ZZEF1: variants seen among roughly 807,000 people sequenced by gnomAD.
The protein encoded by ZZEF1 is zinc finger ZZ-type and EF-hand domain-containing protein 1.
ZZEF1 carries 157 observed loss-of-function variants against 342.8 expected under a neutral mutation model. The ratio of observed to expected loss-of-function variants is 0.46; its 90% CI spans 0.40 to 0.52. The LOEUF (loss-of-function observed/expected upper bound fraction) is 0.52. ZZEF1 is among the 20% of genes least tolerant of loss of function. The pLI is 0.00. For synonymous variants in ZZEF1, 1,505 were observed against 1,429.1 expected, an observed-to-expected ratio of 1.05 and a Z score of -1.20; for missense variants, 3,480 against 3,725.6, an observed-to-expected ratio of 0.93 and a Z score of 1.72.
chr17:4,007,016 T>G, intron 54 of ZZEF1, 46 bp from the exon 55 acceptor site: 1 of 1,512,434 alleles, frequency 6.6e-7, no homozygotes, highest in Non-Finnish European at 8.9e-7. Context: ...AGCCACTCCC[T>G]CATTCAGTGA....
Position 4,072,816 on chromosome 17 carries a change from T to C in ZZEF1, c.3686-60A>G, listed in dbSNP as rs374461791. 7.4e-6 allele frequency: 11 copies of C among 1,482,566 alleles called. No homozygotes were observed. In the East Asian group the frequency reaches 2.3e-4, roughly 31 times the overall value. The allele number at this position is 1,482,566 out of a possible 1,614,324, so 91.8% of individuals were successfully genotyped here. A position where few individuals can be genotyped will look rare whatever the true frequency, so the allele number is the denominator to read the frequency against. On this transcript the variant is annotated intron_variant, in intron 24 of 54. Coordinates refer to ENST00000381638, the MANE Select transcript of ZZEF1 (RefSeq NM_015113.4). ...TTTGCCTTAATATATTGAGAATCTT[T>C]GAAATGAGAAAGAAAAGGTTAAAAA...
chr17:4,081,314 T>C (rs913286889), intron 18 of ZZEF1, 62 bp downstream of exon 18: 1 of 1,335,532 alleles, frequency 7.5e-7, no homozygotes, highest in Non-Finnish European at 1.1e-6. Flanking sequence ...CACAAGAGAC[T>C]GCCACATCAC....
chr17:4,024,990 G>A lies in ZZEF1; in HGVS notation c.7021C>T (p.His2341Tyr), dbSNP rs768541691. 6.2e-7 allele frequency: 1 copy of A among 1,614,166 alleles called. No homozygotes were observed. The highest frequency in any genetic ancestry group is 8.5e-7 in the Non-Finnish European group (1 of 1,180,038). Residue 2341 changes from histidine (H) to tyrosine (Y), a missense_variant, in exon 43 of 55, where the codon CAT becomes TAT. This residue lies in a region of ZZEF1 where 1,269 missense variants were observed against 1,342.4 expected (regional missense o/e 0.95). Coordinates refer to ENST00000381638, the MANE Select transcript of ZZEF1 (RefSeq NM_015113.4). ...GTTGCTTCTACTGCCTCGGGACAAT[G>A]GCTGTCCATGCTGCTTTGCAGAAGG... ...SHLLQSSMDSHCPEAVEATWV... is the reference protein window; with the variant it reads ...SHLLQSSMDSYCPEAVEATWV...
At chr17:4,109,562 A>G (rs2058263959) in intron 6 of ZZEF1, 91 bp downstream of exon 6, 2 of 1,407,076 alleles carry the variant, frequency 1.4e-6, no homozygotes, top group African/African-American at 1.4e-5. Flanking sequence ...ACAACGATCA[A>G]TGATGGAAGG....
chr17:4,094,926 T>C (rs778681435), intron 11 of ZZEF1, among the ~76,000 whole-genome samples: 1 of 152,176 alleles, frequency 6.6e-6, no homozygotes, highest in Admixed American at 6.5e-5. Flanking sequence ...ACACACAACA[T>C]GATCCTGACC....
chr17:4,123,685 G>A (rs781552270), intron 2 of ZZEF1, among the ~76,000 whole-genome samples: 4 of 152,038 alleles, frequency 2.6e-5, no homozygotes, highest in Admixed American at 1.3e-4. Flanking sequence ...TAAGGAAAGC[G>A]GCCACGTGAC....
chr17:4,032,031 C>T (rs1245798783), intron 42 of ZZEF1, 95 bp downstream of exon 42: 3 of 1,356,452 alleles, frequency 2.2e-6, no homozygotes, highest in African/African-American at 1.5e-5. Context: ...AAATCACACG[C>T]AGGCCAAGAG....
In ZZEF1 at chr17:4,095,963, A is replaced by T; in HGVS notation, c.1781T>A (p.Ile594Asn). The change falls in exon 11 of 55, where the codon ATT becomes AAT. Residue 594 changes from isoleucine (I) to asparagine (N), a missense_variant. Coordinates refer to ENST00000381638, the MANE Select transcript of ZZEF1 (RefSeq NM_015113.4). ...AAACACCAACCCACACTGGGCACCA[A>T]TGCCACCACGTCGAACCTGGAAACA... ...QIRIMVRRGG[I>N]GAQCGLVFAY... is the part of the protein sequence containing the mutation. 1.2e-6 allele frequency: 2 copies of T among 1,611,558 alleles called. No homozygotes were observed. The highest frequency in any genetic ancestry group is 1.7e-6 in the Non-Finnish European group (2 of 1,178,420).
rs1456252940 is a variant in ZZEF1 at position 4,104,796 on chromosome 17, T to C, written c.1410A>G (p.Pro470=). The change falls in exon 8 of 55, where the codon CCA becomes CCG. Residue 470 remains proline (P), a synonymous_variant. Transcript: ENST00000381638. ...LIRITSCCST[P]EVELTLLAFA... is the part of the protein sequence containing the mutation. ...AAGCCAGAAGAGTCAGTTCTACCTCTGGGGTAGAACAGCAGCTATAAGCAA... is the reference window on the plus strand; with the variant it reads ...AAGCCAGAAGAGTCAGTTCTACCTCCGGGGTAGAACAGCAGCTATAAGCAA... 2 of 1,613,870 alleles carry C rather than the reference T, an allele frequency of 1.2e-6. No homozygotes were observed. The highest frequency in any genetic ancestry group is 1.7e-6 in the Non-Finnish European group (2 of 1,179,912).
intron 16 of ZZEF1, among the ~76,000 whole-genome samples, chr17:4,083,055 C>T (rs1001471393): frequency 2.0e-5 from 3 of 152,194 alleles, no homozygotes; most frequent in African/African-American, 4.8e-5. Flanking sequence ...GGATTACAGG[C>T]GTGAGCCACC....
chr17:4,112,539 C>G, intron 5 of ZZEF1, 70 bp downstream of exon 5: 3 of 1,468,820 alleles, frequency 2.0e-6, no homozygotes, highest in Non-Finnish European at 2.8e-6. Flanking sequence ...AAACTAACAG[C>G]CTCTTCACTT....
intron 1 of ZZEF1, among the ~76,000 whole-genome samples, chr17:4,132,628 C>A (rs902461650): frequency 2.0e-5 from 3 of 151,438 alleles, no homozygotes; most frequent in Non-Finnish European, 4.4e-5. Flanking sequence ...GTCGGGAGAT[C>A]GAGACCATCC....
chr17:4,019,648 C>A, intron 46 of ZZEF1, 21 bp downstream of exon 46: 1 of 1,602,342 alleles, frequency 6.2e-7, no homozygotes. Context: ...CACACTTCAG[C>A]TGCACGGAAA....
chr17:4,091,893 A>G (rs1204015725), intron 11 of ZZEF1, among the ~76,000 whole-genome samples: 1 of 149,474 alleles, frequency 6.7e-6, no homozygotes, highest in Non-Finnish European at 1.5e-5. Flanking sequence ...CCTGACCAAC[A>G]TTAAGAAACT....
intron 24 of ZZEF1, 96 bp from the exon 25 acceptor site, chr17:4,072,852 T>C (rs2057537813): frequency 7.7e-7 from 1 of 1,290,742 alleles, no homozygotes; most frequent in African/African-American, 1.5e-5. Context: ...AAACCATGGA[T>C]ACTATTAAAA....
At position 4,025,126 on chromosome 17, in the gene ZZEF1, G is replaced by T. The variant is rs749235960; in HGVS notation, c.6893-8C>A. 3.1e-6 allele frequency: 5 copies of T among 1,613,636 alleles called. No homozygotes were observed. The South Asian group carries it at 5.5e-5, about 18-fold the overall frequency. On this transcript the variant is annotated splice_polypyrimidine_tract_variant and splice_region_variant and intron_variant, in intron 42 of 54. Transcript: ENST00000381638. ...CCAGCTGGTAGTCCTTCACTGAAGG[G>T]TGACATCAGGCAGAAAAAGAAAGGC...
In ZZEF1 at chr17:4,008,933, A is replaced by G; in HGVS notation, c.8755T>C (p.Tyr2919His). The change falls in exon 54 of 55, where the codon TAC (tyrosine) becomes CAC (histidine). Residue 2919 changes from tyrosine to histidine, a missense_variant. Transcript: ENST00000381638. The surrounding 1 kb of genome is among the most constrained non-coding windows in gnomAD (Gnocchi z 4.2). Reference protein sequence around the residue: ...RAQELGVLQDYLLALTTDDHL... With the variant: ...RAQELGVLQDHLLALTTDDHL... ...TCGTCCGTGGTTAGGGCCAGCAGGT[A>G]ATCCTGCAGCACGCCAAGCTCCTGC... is the stretch of plus-strand genomic sequence containing the variant. 1 of 1,543,096 alleles carries G rather than the reference A, an allele frequency of 6.5e-7. No individual in the cohort carries two copies. The highest frequency in any genetic ancestry group is 8.7e-7 in the Non-Finnish European group (1 of 1,147,520).
At chr17:4,071,409 A>G (rs1274937519) in intron 25 of ZZEF1, 1 of 154,888 alleles carries the variant, frequency 6.5e-6, no homozygotes, top group East Asian at 1.9e-4. Flanking sequence ...GAGACTGCAG[A>G]GAGCCTTGAC....
Position 4,124,018 on chromosome 17 carries a change from T to C in ZZEF1, c.388A>G (p.Thr130Ala), listed in dbSNP as rs1363533076. Reference protein sequence around the residue: ...FAQFDAEGDGTVDAENMLEAL... With the variant: ...FAQFDAEGDGAVDAENMLEAL... ...TCCAACATGTTCTCGGCATCAACTG[T>C]CCCATCACCCTCAGCATCAAACTGG... The change falls in exon 2 of 55, where the codon ACA (threonine) becomes GCA (alanine). Residue 130 changes from threonine (T) to alanine (A), a missense_variant. Physicochemically the swap from Thr to Ala is moderately conservative, Grantham distance 58. Transcript: ENST00000381638. 14 of 1,613,774 alleles carry C rather than the reference T, an allele frequency of 8.7e-6. No homozygotes were observed. The highest frequency in any genetic ancestry group is 1.2e-5 in the Non-Finnish European group (14 of 1,179,888).
Sources: gnomAD v4.1 joint callset for allele counts (sites outside exome capture counted in the v4.1 genomes callset) on GRCh38, gnomAD v4.1.1 for gene constraint, gnomAD v4.1.1 regional missense constraint, Gnocchi (gnomAD v3.1) non-coding constraint, MANE v1.5 for transcripts, NCBI Gene and HGNC (gene_info 2026-07-23, HGNC 2026-07-21) for gene names.